The following ZNF672 variants were observed in gnomAD, a reference collection of about 807,000 sequenced individuals.
ZNF672 encodes the protein hypothetical protein FLJ22301.
For synonymous variants in ZNF672, 358 were observed against 305.6 expected, an observed-to-expected ratio of 1.17 and a Z score of -1.79; for missense variants, 733 against 701.1, an observed-to-expected ratio of 1.05 and a Z score of -0.51.
intron 1 of ZNF672, among the ~76,000 whole-genome samples, chr1:248,840,141 G>A (rs1664647281): frequency 6.6e-6 from 1 of 152,098 alleles, no homozygotes; most frequent in Non-Finnish European, 1.5e-5. Flanking sequence ...CCAGGCTGGA[G>A]TACAGTGGCA....
chr1:248,839,058 G>C (rs914801136), intron 1 of ZNF672: 1 of 152,280 alleles, frequency 6.6e-6, no homozygotes, highest in Non-Finnish European at 1.5e-5. Flanking sequence ...GTGGGCCACG[G>C]AAAGCGACCT....
In ZNF672 at chr1:248,847,366, G is replaced by A. The variant is rs1188526301; in HGVS notation, c.92G>A (p.Arg31Gln). The change falls in exon 4 of 4, where the codon CGA becomes CAA. Residue 31 changes from arginine to glutamine, a missense_variant. Coordinates refer to ENST00000306562, the MANE Select transcript of ZNF672 (RefSeq NM_024836.3). ...KSFCYSSVLL[R>Q]HERAHGGDGR... ...TTCTGCTACAGCTCAGTGCTGCTGC[G>A]ACATGAACGAGCTCACGGCGGTGAC... The A allele has an allele frequency of 1.9e-6, 3 of 1,611,538 alleles. No individual in the cohort carries two copies. The highest frequency in any genetic ancestry group is 1.6e-4 in the Middle Eastern group (1 of 6,062).
rs1177937709 is a variant in ZNF672 at position 248,847,352 on chromosome 1, C to T, written c.78C>T (p.Ser26=). The T allele has an allele frequency of 6.2e-7, 1 of 1,612,812 alleles. No homozygotes were observed. Among genetic ancestry groups the T allele is most frequent in the Non-Finnish European group, 8.5e-7 (1 of 1,179,460 alleles). The change falls in exon 4 of 4, where the codon AGC becomes AGT. Residue 26 remains serine, a synonymous_variant. Transcript: ENST00000306562. ...AATGTGGCAAGAGCTTCTGCTACAG[C>T]TCAGTGCTGCTGCGACATGAACGAG... ...CSECGKSFCY[S]SVLLRHERAH... is the part of the protein sequence containing the mutation.
Position 248,848,161 on chromosome 1 carries a change from C to T in ZNF672, c.887C>T (p.Ser296Phe), listed in dbSNP as rs1407882409. The T allele has an allele frequency of 1.4e-5, 23 of 1,592,536 alleles. No homozygotes were observed. The highest frequency in any genetic ancestry group is 1.9e-5 in the Non-Finnish European group (22 of 1,173,902). Residue 296 changes from serine to phenylalanine, a missense_variant, in exon 4 of 4, where the codon TCC (serine) becomes TTC (phenylalanine). By Grantham distance (155) the Ser-to-Phe change is radical. Coordinates refer to ENST00000306562, the MANE Select transcript of ZNF672 (RefSeq NM_024836.3). ...ATCGKGFGQR[S>F]DLVVHQRIHT... is the part of the protein sequence containing the mutation. ...TGCGGCAAGGGTTTCGGGCAGCGCT[C>T]CGACCTGGTGGTGCACCAGCGCATC...
intron 2 of ZNF672, among the ~76,000 whole-genome samples, chr1:248,844,934 C>T (rs775043924): frequency 5.3e-5 from 8 of 152,202 alleles, no homozygotes; most frequent in Non-Finnish European, 1.2e-4. Context: ...GTGTCTGGGT[C>T]GAAAGTCCCT....
rs749312288 is a variant in ZNF672, at chr1:248,847,880, C to A, written c.606C>A (p.Gly202=). ...RPRVSDAHQC[G]VCGKCFGKSS... ...GTGTCTCAGACGCCCACCAGTGTGG[C>A]GTGTGCGGCAAGTGCTTTGGCAAGA... Residue 202 remains glycine, a synonymous_variant, in exon 4 of 4, where the codon GGC becomes GGA. Transcript: ENST00000306562. The A allele has an allele frequency of 1.3e-6, 2 of 1,588,278 alleles. No individual in the cohort carries two copies. Among genetic ancestry groups the A allele is most frequent in the Non-Finnish European group, 1.7e-6 (2 of 1,169,944 alleles).
At chr1:248,842,590 G>C (rs564653567) in intron 1 of ZNF672, 8 of 152,220 alleles carry the variant, frequency 5.3e-5, no homozygotes, top group Non-Finnish European at 8.8e-5. Flanking sequence ...AGGAGTGAGA[G>C]AGCTTTGCCA....
intron 3 of ZNF672, among the ~76,000 whole-genome samples, chr1:248,846,800 C>G (rs11590630): frequency 3.3e-5 from 5 of 152,160 alleles, no homozygotes; most frequent in Non-Finnish European, 7.4e-5. Flanking sequence ...GGTTCCCAGG[C>G]TAAATGCAAG....
In ZNF672 at chr1:248,847,557, C is replaced by A; in HGVS notation, c.283C>A (p.Arg95=). 6.3e-7 allele frequency: 1 copy of A among 1,583,556 alleles called. No individual in the cohort carries two copies. Among genetic ancestry groups the A allele is most frequent in the Non-Finnish European group, 8.6e-7 (1 of 1,167,740 alleles). Reference sequence around the variant, plus strand: ...CCTACACTTGGGCGCACACCGGCAGCGATGCCGCACTTGCCCCTGCCGCAC... The same window carrying A: ...CCTACACTTGGGCGCACACCGGCAGAGATGCCGCACTTGCCCCTGCCGCAC... ...LDLHLGAHRQ[R]CRTCPCRTCG... Residue 95 remains arginine, a synonymous_variant, in exon 4 of 4, where the codon CGA becomes AGA. Transcript: ENST00000306562.
chr1:248,838,908 T>C (rs963136963), intron 1 of ZNF672: 1 of 152,138 alleles, frequency 6.6e-6, no homozygotes, highest in Non-Finnish European at 1.5e-5. Flanking sequence ...TGGTGCCCGG[T>C]CTCGCCCTCC....
rs767914426 is a variant in ZNF672 at position 248,847,350 on chromosome 1, A to C, written c.76A>C (p.Ser26Arg). 3.1e-6 allele frequency: 5 copies of C among 1,612,956 alleles called. No homozygotes were observed. The East Asian group carries it at 8.9e-5, about 29-fold the overall frequency. The part of the protein sequence containing the change: ...CSECGKSFCY[S>R]SVLLRHERAH... ...CGAATGTGGCAAGAGCTTCTGCTAC[A>C]GCTCAGTGCTGCTGCGACATGAACG... Residue 26 changes from serine to arginine, a missense_variant, in exon 4 of 4, where the codon AGC becomes CGC. Physicochemically the swap from Ser to Arg is moderately radical, Grantham distance 110. Coordinates refer to ENST00000306562, the MANE Select transcript of ZNF672 (RefSeq NM_024836.3).
chr1:248,844,802 C>T (rs1043967498), intron 2 of ZNF672, among the ~76,000 whole-genome samples, 166 bp downstream of exon 2: 11 of 152,356 alleles, frequency 7.2e-5, no homozygotes, highest in African/African-American at 2.2e-4. Context: ...GCAGAGCACT[C>T]AGTGGGGCCT....
At position 248,847,217 on chromosome 1, in the gene ZNF672, G is replaced by C; in HGVS notation, c.-58G>C. The C allele has an allele frequency of 6.4e-7, 1 of 1,559,048 alleles. No individual in the cohort carries two copies. Among genetic ancestry groups the C allele is most frequent in the Middle Eastern group, 1.7e-4 (1 of 5,836 alleles). ...AAGAGAAGTAAAACTTAGCTGCAGC[G>C]TCAGGAGGTGGACCCCAGAGTGTGA... On this transcript the variant is annotated 5_prime_UTR_variant, in exon 4 of 4. Transcript: ENST00000306562.
rs868235035 is a variant in ZNF672, at chr1:248,848,359, C to G, written c.1085C>G (p.Ala362Gly). The G allele has an allele frequency of 1.9e-6, 3 of 1,601,554 alleles. No homozygotes were observed. The Admixed American group carries it at 5.0e-5, about 27-fold the overall frequency. Residue 362 changes from alanine (A) to glycine (G), a missense_variant, in exon 4 of 4, where the codon GCC becomes GGC. Physicochemically the swap from Ala to Gly is moderately conservative, Grantham distance 60. Transcript: ENST00000306562. Reference protein sequence around the residue: ...SNLNVHRRNHAGHKPHKCPEC... With the variant: ...SNLNVHRRNHGGHKPHKCPEC... ...CTCAACGTGCATCGGCGCAACCATG[C>G]CGGCCACAAGCCACACAAATGCCCC... is the stretch of plus-strand genomic sequence containing the variant.
At chr1:248,845,156 G>T (rs549027600) in intron 2 of ZNF672, among the ~76,000 whole-genome samples, 1 of 152,302 alleles carries the variant, frequency 6.6e-6, no homozygotes. Context: ...CCAGTACTCA[G>T]GAGGCTGAGG....
Position 248,848,213 on chromosome 1 carries a change from C to T in ZNF672, c.939C>T (p.Cys313=). ...RIHTGEKPFA[C]PECGRRFSDR... ...ACACGGGCGAGAAGCCCTTCGCGTG[C>T]CCCGAGTGCGGCCGCCGCTTCAGCG... Residue 313 remains cysteine, a synonymous_variant, in exon 4 of 4, where the codon TGC becomes TGT. Coordinates refer to ENST00000306562, the MANE Select transcript of ZNF672 (RefSeq NM_024836.3). 1 of 1,600,666 alleles carries T rather than the reference C, an allele frequency of 6.2e-7. No individual in the cohort carries two copies. Among genetic ancestry groups the T allele is most frequent in the Non-Finnish European group, 8.5e-7 (1 of 1,177,164 alleles).
rs1169275681 is a variant in ZNF672, at chr1:248,847,716, C to T, written c.442C>T (p.Arg148Trp). 2.7e-6 allele frequency: 4 copies of T among 1,458,300 alleles called. No homozygotes were observed. Among genetic ancestry groups the T allele is most frequent in the East Asian group, 5.1e-5 (2 of 39,336 alleles). 90.3% of individuals were successfully genotyped at this position (1,458,300 alleles called of 1,614,324 possible). ...RQSALLFHQA[R>W]AHPLGTTSDP... ...GAGCGCGCTGCTCTTCCACCAGGCG[C>T]GGGCGCACCCCTTGGGGACAACCTC... is the stretch of plus-strand genomic sequence containing the variant. Residue 148 changes from arginine (R) to tryptophan (W), a missense_variant, in exon 4 of 4, where the codon CGG (arginine) becomes TGG (tryptophan). By Grantham distance (101) the Arg-to-Trp change is moderately radical. Transcript: ENST00000306562.
chr1:248,848,106 C>G lies in ZNF672; in HGVS notation c.832C>G (p.Gln278Glu), dbSNP rs779239223. 3.9e-6 allele frequency: 6 copies of G among 1,553,466 alleles called. No individual in the cohort carries two copies. In the African/African-American group the frequency reaches 5.5e-5, roughly 14 times the overall value. The change falls in exon 4 of 4, where the codon CAG (glutamine) becomes GAG (glutamate). Residue 278 changes from glutamine (Q) to glutamate (E), a missense_variant. Coordinates refer to ENST00000306562, the MANE Select transcript of ZNF672 (RefSeq NM_024836.3). ...STLLRHRRSHQGERPHACATC... is the reference protein window; with the variant it reads ...STLLRHRRSHEGERPHACATC... ...GCTGCTGCGCCATCGGCGCAGCCAT[C>G]AGGGCGAGCGGCCACATGCGTGCGC...
chr1:248,841,844 G>A (rs1267903011), intron 1 of ZNF672, among the ~76,000 whole-genome samples: 4 of 151,374 alleles, frequency 2.6e-5, no homozygotes, highest in East Asian at 2.0e-4. Flanking sequence ...CTTGAACCTC[G>A]GAGGCAGAGG....
Sources: allele counts gnomAD v4.1 joint callset (sites outside exome capture counted in the v4.1 genomes callset), GRCh38; gene constraint gnomAD v4.1.1; transcripts MANE v1.5; gene names NCBI Gene and HGNC (gene_info 2026-07-23, HGNC 2026-07-21).